Variants in HACE1 observed in about 807,000 individuals in gnomAD.
The protein encoded by HACE1 is HECT domain and ankyrin repeat containing E3 ubiquitin protein ligase 1.
In HACE1, 73 loss-of-function variants were observed where a neutral mutation model predicts 118.4. That is an observed-to-expected ratio of 0.62 (90% confidence interval 0.51 to 0.75). HACE1 has a LOEUF of 0.75. Ranked by LOEUF, HACE1 falls within the 30% of genes least tolerant of loss-of-function variation. The pLI is 0.00. For missense variants in HACE1, 749 were observed against 1,102.2 expected (o/e 0.68, Z 4.54); for synonymous variants, 368 against 374.8 (o/e 0.98, Z 0.21).
rs189974047 is a variant in HACE1 at position 104,858,810 on chromosome 6, C to G, written c.76+757G>C. Among the ~76,000 whole-genome samples, 19 of 152,284 alleles carry G rather than the reference C, an allele frequency of 1.2e-4. No individual in the cohort carries two copies. In the East Asian group the frequency reaches 3.7e-3, roughly 29 times the overall value. ...ACCACTAAAATGTCTGAATTCCTGA[C>G]GCTGCAAACAAAACTGCTTATTTTC... On this transcript the variant is annotated intron_variant, in intron 1 of 23. Transcript: ENST00000262903.
chr6:104,741,492 C>G (rs1049577047), intron 22 of HACE1, among the ~76,000 whole-genome samples: 1 of 132,814 alleles, frequency 7.5e-6, no homozygotes, highest in Non-Finnish European at 1.6e-5. Context: ...GTGCAAAAAT[C>G]ACAAGCATTC....
At chr6:104,814,697 G>A (rs1236877217) in intron 6 of HACE1, among the ~76,000 whole-genome samples, 1 of 137,044 alleles carries the variant, frequency 7.3e-6, no homozygotes. Flanking sequence ...ATTGGAGGAG[G>A]GACCTGGTGA....
At chr6:104,749,128 T>G (rs780237607) in intron 20 of HACE1, among the ~76,000 whole-genome samples, 1 of 152,200 alleles carries the variant, frequency 6.6e-6, no homozygotes, top group African/African-American at 2.4e-5. Flanking sequence ...GTTTTTTACA[T>G]ACATATAGGT....
chr6:104,843,796 A>G (rs1044931905), intron 4 of HACE1, among the ~76,000 whole-genome samples: 3 of 152,016 alleles, frequency 2.0e-5, no homozygotes, highest in Non-Finnish European at 4.4e-5. Flanking sequence ...GAGGGTGAGG[A>G]GGGGGATGTA....
chr6:104,763,546 C>G (rs1235177535), intron 19 of HACE1, among the ~76,000 whole-genome samples: 1 of 151,322 alleles, frequency 6.6e-6, no homozygotes, highest in Non-Finnish European at 1.5e-5. Flanking sequence ...TTACATGTTA[C>G]CAATAAGCAA....
At chr6:104,831,402 T>C (rs977393310) in intron 6 of HACE1, 1 of 149,820 alleles carries the variant, frequency 6.7e-6, no homozygotes, top group Non-Finnish European at 1.5e-5. Flanking sequence ...CTGGCCACCA[T>C]GGCAAAACCC....
intron 6 of HACE1, among the ~76,000 whole-genome samples, chr6:104,820,733 C>T (rs552443356): frequency 2.6e-5 from 4 of 152,206 alleles, no homozygotes; most frequent in South Asian, 4.1e-4. Flanking sequence ...GCTTAAACAC[C>T]GTTGGTGGGA....
At chr6:104,745,327 A>C (rs568395547) in intron 20 of HACE1, among the ~76,000 whole-genome samples, 9 of 152,210 alleles carry the variant, frequency 5.9e-5, no homozygotes, top group African/African-American at 1.4e-4. Context: ...AAGGGAAAAG[A>C]GGACATGAAA....
At chr6:104,737,740 G>C (rs11967870) in intron 22 of HACE1, among the ~76,000 whole-genome samples, 1 of 152,200 alleles carries the variant, frequency 6.6e-6, no homozygotes, top group African/African-American at 2.4e-5. Flanking sequence ...AGGCAGCAGC[G>C]AGGCTGGGGG....
chr6:104,794,778 G>A (rs1783433669), intron 10 of HACE1, among the ~76,000 whole-genome samples: 2 of 152,144 alleles, frequency 1.3e-5, no homozygotes, highest in Non-Finnish European at 2.9e-5. Context: ...GGTGGTGTGT[G>A]CCTGTAATCC....
In HACE1 at chr6:104,744,210, T is replaced by C. The variant is rs895354461; in HGVS notation, c.2463A>G (p.Glu821=). The change falls in exon 22 of 24, where the codon GAA becomes GAG. Residue 821 remains glutamate (E), a synonymous_variant. Transcript: ENST00000262903. ...PVIQWFWEVV[E]DITQEERVLL... Reference sequence around the variant, plus strand: ...GAACTCTCTCCTCTTGAGTAATGTCTTCTACAACTTCCCAGAACCACTAAC... The same window carrying C: ...GAACTCTCTCCTCTTGAGTAATGTCCTCTACAACTTCCCAGAACCACTAAC... 4 of 1,600,818 alleles carry C rather than the reference T, an allele frequency of 2.5e-6. No individual in the cohort carries two copies. In the African/African-American group the frequency reaches 4.2e-5, roughly 17 times the overall value.
intron 3 of HACE1, 142 bp from the exon 4 acceptor site, chr6:104,849,388 G>GCCA (rs1490911492): frequency 2.9e-5 from 20 of 686,682 alleles, no homozygotes; most frequent in African/African-American, 5.3e-5. Context: ...CCATGCTGGA[G>GCCA]TGCAGTGGCA....
At chr6:104,743,536 A>C (rs1040395931) in intron 22 of HACE1, among the ~76,000 whole-genome samples, 2 of 151,994 alleles carry the variant, frequency 1.3e-5, no homozygotes, top group African/African-American at 4.8e-5. Context: ...CATAAATAGA[A>C]GATAAAATTC....
chr6:104,771,882 AC>A lies in HACE1; in HGVS notation c.2014+42del, dbSNP rs527716989. The A allele has an allele frequency of 3.5e-3, 4,900 of 1,392,852 alleles. 11 individuals carry two copies. The highest frequency in any genetic ancestry group is 6.0e-3 in the South Asian group (496 of 83,082). The allele number at this position is 1,392,852 out of a possible 1,614,324, so 86.3% of individuals were successfully genotyped here. ...TAGTTTTCCTCAAACTGAAAAAAAA[AC>A]AATATAAATAAATGTCTGCAGAAAT... is the stretch of plus-strand genomic sequence containing the variant. On this transcript the variant is annotated intron_variant, in intron 18 of 23. Coordinates refer to ENST00000262903, the MANE Select transcript of HACE1 (RefSeq NM_020771.4).
intron 2 of HACE1, 85 bp from the exon 3 acceptor site, chr6:104,851,081 C>CTGTT (rs779590455): frequency 4.6e-5 from 37 of 808,970 alleles, no homozygotes; most frequent in African/African-American, 1.0e-4. Context: ...TTTAGCTGCT[C>CTGTT]TGTTTGTTTG....
chr6:104,852,696 G>A (rs754426067), intron 1 of HACE1, among the ~76,000 whole-genome samples: 1 of 152,098 alleles, frequency 6.6e-6, no homozygotes, highest in Non-Finnish European at 1.5e-5. Flanking sequence ...GGTAGCCCGC[G>A]CATCATCATC....
At chr6:104,803,233 A>G (rs185041678) in intron 7 of HACE1, among the ~76,000 whole-genome samples, 31 of 152,294 alleles carry the variant, frequency 2.0e-4, no homozygotes, top group African/African-American at 6.7e-4. Context: ...CCAGGAACAG[A>G]CGGATTCACA....
chr6:104,740,629 A>G (rs1343920056), intron 22 of HACE1, among the ~76,000 whole-genome samples: 3 of 151,404 alleles, frequency 2.0e-5, no homozygotes, highest in Non-Finnish European at 4.4e-5. Context: ...GAATCTCTGA[A>G]TAGACCAATA....
intron 7 of HACE1, among the ~76,000 whole-genome samples, chr6:104,803,753 A>T (rs971905291): frequency 2.0e-5 from 3 of 152,192 alleles, no homozygotes; most frequent in Admixed American, 6.5e-5. Context: ...CCCACAGCCA[A>T]TATCATACTG....
Sources: gnomAD v4.1 joint callset for allele counts (sites outside exome capture counted in the v4.1 genomes callset) on GRCh38, gnomAD v4.1.1 for gene constraint, MANE v1.5 for transcripts, NCBI Gene and HGNC (gene_info 2026-07-23, HGNC 2026-07-21) for gene names.